The following CTNND2 variants were observed in gnomAD, a reference collection of about 807,000 sequenced individuals.
The protein encoded by CTNND2 is catenin delta-2.
A neutral mutation model predicts 144.4 loss-of-function variants in CTNND2; 22 were observed. The ratio of observed to expected loss-of-function variants is 0.15; its 90% CI spans 0.11 to 0.22. The LOEUF (loss-of-function observed/expected upper bound fraction) is 0.22, where lower values mean the gene tolerates loss of function less well. Among genes scored for constraint, CTNND2 ranks in the 10% least tolerant of loss-of-function variants. CTNND2 has a pLI of 1.00. For missense variants in CTNND2, 1,353 were observed against 1,618.8 expected, an observed-to-expected ratio of 0.84 and a Z score of 2.82; for synonymous variants, 751 against 695.6, an observed-to-expected ratio of 1.08 and a Z score of -1.25.
At chr5:11,269,665 T>C (rs1487877993) in intron 9 of CTNND2, among the ~76,000 whole-genome samples, 1 of 152,178 alleles carries the variant, frequency 6.6e-6, no homozygotes, top group East Asian at 1.9e-4. Flanking sequence ...CAATAGATGG[T>C]TGGCATAAAT....
chr5:11,289,134 T>C (rs1748051509), intron 9 of CTNND2, among the ~76,000 whole-genome samples: 1 of 152,140 alleles, frequency 6.6e-6, no homozygotes, highest in African/African-American at 2.4e-5. Flanking sequence ...TTAGCACAGG[T>C]CTCATGAGAT....
chr5:11,305,806 G>A (rs948670744), intron 9 of CTNND2, among the ~76,000 whole-genome samples: 7 of 152,278 alleles, frequency 4.6e-5, no homozygotes, highest in South Asian at 2.1e-4. Context: ...TGTTCTTCTC[G>A]AGCGCATCTG....
At chr5:11,098,126 G>A (rs1333499222) in intron 15 of CTNND2, among the ~76,000 whole-genome samples, 3 of 139,380 alleles carry the variant, frequency 2.2e-5, no homozygotes, top group Non-Finnish European at 4.8e-5. Flanking sequence ...AAAACATAAG[G>A]GGTTCTTTTC....
Position 10,973,634 on chromosome 5 carries a change from T to C in CTNND2, c.3497A>G (p.Asn1166Ser). 5.0e-6 allele frequency: 8 copies of C among 1,614,176 alleles called. No individual in the cohort carries two copies. Among genetic ancestry groups the C allele is most frequent in the Non-Finnish European group, 6.8e-6 (8 of 1,180,004 alleles). ...TYQPFQNSTRNYDESFFEDQV... is the reference protein window; with the variant it reads ...TYQPFQNSTRSYDESFFEDQV... The stretch of plus-strand genomic sequence containing the variant: ...GTCCTCGAAGAAGGACTCATCGTAA[T>C]TTCTTGTGGAATTCTGAAATGGCTG... Residue 1166 changes from asparagine to serine, a missense_variant, in exon 22 of 22, where the codon AAT (asparagine) becomes AGT (serine). Physicochemically the swap from Asn to Ser is conservative, Grantham distance 46 (BLOSUM62 1). Coordinates refer to ENST00000304623, the MANE Select transcript of CTNND2 (RefSeq NM_001332.4). This position sits in a 1 kb window ranked among gnomAD's most constrained non-coding sequence, Gnocchi z 5.6.
intron 2 of CTNND2, among the ~76,000 whole-genome samples, chr5:11,724,268 C>T (rs1467489843): frequency 2.0e-5 from 3 of 151,954 alleles, no homozygotes; most frequent in African/African-American, 7.3e-5. Flanking sequence ...CAAATCACTG[C>T]AGCATTATTC....
intron 15 of CTNND2, among the ~76,000 whole-genome samples, chr5:11,090,543 C>A (rs945753931): frequency 1.3e-5 from 2 of 152,172 alleles, no homozygotes; most frequent in Admixed American, 1.3e-4. Flanking sequence ...AGCACAAACC[C>A]TATTGTGAAC....
chr5:11,666,699 C>G (rs1783585283), intron 2 of CTNND2, among the ~76,000 whole-genome samples: 1 of 152,160 alleles, frequency 6.6e-6, no homozygotes, highest in African/African-American at 2.4e-5. Flanking sequence ...AGATTTTTAA[C>G]TACTCTTTTG....
At chr5:11,375,836 AAGTTGGGG>A (rs1249265850) in intron 7 of CTNND2, among the ~76,000 whole-genome samples, 1 of 152,150 alleles carries the variant, frequency 6.6e-6, no homozygotes, top group East Asian at 1.9e-4. Flanking sequence ...AAAAGCTACC[AAGTTGGGG>A]GAAAGGGGAC....
At chr5:11,106,607 T>G (rs577491230) in intron 14 of CTNND2, among the ~76,000 whole-genome samples, 1 of 152,102 alleles carries the variant, frequency 6.6e-6, no homozygotes, top group Non-Finnish European at 1.5e-5. Context: ...ACAAGTTGGG[T>G]TTTTGTTCAC....
At chr5:11,419,022 CTATCTA>C (rs545921141) in intron 3 of CTNND2, among the ~76,000 whole-genome samples, 289 of 125,820 alleles carry the variant, frequency 2.3e-3, no homozygotes, top group African/African-American at 7.3e-3. Flanking sequence ...ATATAGATGT[CTATCTA>C]TATATAGATA....
At chr5:11,425,333 A>G (rs1169298972) in intron 3 of CTNND2, among the ~76,000 whole-genome samples, 1 of 152,170 alleles carries the variant, frequency 6.6e-6, no homozygotes, top group Non-Finnish European at 1.5e-5. Flanking sequence ...AATGCCTGGA[A>G]AGGGGTCTCC....
chr5:11,700,467 A>G (rs1785377987), intron 2 of CTNND2, among the ~76,000 whole-genome samples: 1 of 152,152 alleles, frequency 6.6e-6, no homozygotes, highest in African/African-American at 2.4e-5. Context: ...GGAGCTTACA[A>G]TTTGCTGTGG....
chr5:11,731,029 T>C (rs1443243510), intron 2 of CTNND2, among the ~76,000 whole-genome samples: 2 of 152,110 alleles, frequency 1.3e-5, no homozygotes, highest in Non-Finnish European at 2.9e-5. Context: ...AGAGTGAGCT[T>C]TGGAAAGCAA....
intron 7 of CTNND2, among the ~76,000 whole-genome samples, chr5:11,383,141 G>T (rs1360568616): frequency 1.3e-5 from 2 of 152,080 alleles, no homozygotes; most frequent in African/African-American, 4.8e-5. Flanking sequence ...ATGGGAGAAA[G>T]AACTGGAAGC....
intron 15 of CTNND2, among the ~76,000 whole-genome samples, chr5:11,090,543 C>T (rs945753931): frequency 6.6e-6 from 1 of 152,172 alleles, no homozygotes; most frequent in Non-Finnish European, 1.5e-5. Context: ...AGCACAAACC[C>T]TATTGTGAAC....
intron 3 of CTNND2, among the ~76,000 whole-genome samples, chr5:11,420,335 C>G (rs1202451206): frequency 2.0e-5 from 3 of 151,996 alleles, no homozygotes; most frequent in African/African-American, 7.2e-5. Flanking sequence ...AAAACAAAAA[C>G]AAAAACAAAA....
intron 3 of CTNND2, among the ~76,000 whole-genome samples, chr5:11,427,300 CAG>C (rs1360750481): frequency 8.3e-6 from 1 of 120,686 alleles, no homozygotes; most frequent in Non-Finnish European, 1.6e-5. Context: ...TTTTTTGAGA[CAG>C]AGTCTCACTC....
At chr5:11,605,087 T>C (rs1014922471) in intron 2 of CTNND2, among the ~76,000 whole-genome samples, 2 of 152,118 alleles carry the variant, frequency 1.3e-5, no homozygotes, top group African/African-American at 4.8e-5. Context: ...TCTTGTACCG[T>C]ACAGTTCAAG....
intron 2 of CTNND2, among the ~76,000 whole-genome samples, chr5:11,641,234 G>C (rs1781982294): frequency 6.6e-6 from 1 of 151,978 alleles, no homozygotes; most frequent in South Asian, 2.1e-4. Context: ...TATGAACATA[G>C]AAGCATCAAA....
Sources: allele counts gnomAD v4.1 joint callset (sites outside exome capture counted in the v4.1 genomes callset), GRCh38; gene constraint gnomAD v4.1.1; non-coding constraint Gnocchi (gnomAD v3.1); transcripts MANE v1.5; gene names NCBI Gene and HGNC (gene_info 2026-07-23, HGNC 2026-07-21).